Variants in GPC3 observed in about 807,000 individuals in gnomAD.
GPC3 encodes glypican 3.
A neutral mutation model predicts 34.4 loss-of-function variants in GPC3; 3 were observed. That is an observed-to-expected ratio of 0.09 (90% confidence interval 0.04 to 0.23). The LOEUF (loss-of-function observed/expected upper bound fraction) is 0.23. GPC3 is among the 10% of genes least tolerant of loss of function. The pLI, the probability that GPC3 is intolerant of heterozygous loss-of-function variation, is 1.00. For missense variants in GPC3, 351 were observed against 445.6 expected (o/e 0.79, Z 1.91); for synonymous variants, 177 against 174.0 (o/e 1.02, Z -0.13).
chrX:133,917,602 T>C (rs140930505), intron 2 of GPC3, among the ~76,000 whole-genome samples: 2,061 of 112,175 alleles, frequency 0.018, 27 homozygotes, highest in Non-Finnish European at 0.029. Context: ...TCCCCTACTG[T>C]ACTAATGAGC....
chrX:133,839,939 A>AAG (rs1556325669), intron 2 of GPC3, among the ~76,000 whole-genome samples: 1 of 108,815 alleles, frequency 9.2e-6, no homozygotes, highest in African/African-American at 3.4e-5. Flanking sequence ...AAAAAAAAAA[A>AAG]AAAAAAAGAC....
At chrX:133,916,077 G>A (rs374742307) in intron 2 of GPC3, among the ~76,000 whole-genome samples, 7 of 103,400 alleles carry the variant, frequency 6.8e-5, no homozygotes, top group South Asian at 4.5e-4. Context: ...CCTGGGAGGC[G>A]AAGGTTGCAG....
chrX:133,863,441 A>G lies in GPC3; in HGVS notation c.337+89609T>C, dbSNP rs187662129. 7.9e-4 allele frequency among the ~76,000 whole-genome samples: 88 copies of G among 111,038 alleles called. 1 individual carries two copies. Among genetic ancestry groups the G allele is most frequent in the African/African-American group, 2.7e-3 (81 of 30,414 alleles). On this transcript the variant is annotated intron_variant, in intron 2 of 7. Coordinates refer to ENST00000370818, the MANE Select transcript of GPC3 (RefSeq NM_004484.4). ...GTTTTGGTAGGCAGTAAATAAATGG[A>G]TGTAAACATCACCTATTCAGAGATA...
At chrX:133,566,443 G>A (rs2069583726) in intron 7 of GPC3, among the ~76,000 whole-genome samples, 1 of 111,024 alleles carries the variant, frequency 9.0e-6, no homozygotes, top group Admixed American at 9.6e-5. Flanking sequence ...GAGACATTAG[G>A]GCTTGTTTGG....
chrX:133,686,914 T>G (rs925766821), intron 5 of GPC3, among the ~76,000 whole-genome samples: 7 of 106,935 alleles, frequency 6.5e-5, no homozygotes, highest in Non-Finnish European at 1.1e-4. Context: ...GATTTTCTTT[T>G]TTTGTTTGTT....
At chrX:133,536,914 C>T (rs1036477379) in intron 7 of GPC3, among the ~76,000 whole-genome samples, 10 of 111,428 alleles carry the variant, frequency 9.0e-5, no homozygotes, top group Non-Finnish European at 1.9e-4. Context: ...CTTTTCATTT[C>T]CCCCTAAAAA....
chrX:133,546,531 G>C (rs900209715), intron 7 of GPC3, among the ~76,000 whole-genome samples: 5 of 111,629 alleles, frequency 4.5e-5, no homozygotes, highest in African/African-American at 1.6e-4. Context: ...AAGTAGATTA[G>C]TGATTGCCAG....
Position 133,626,217 on chromosome X carries a change from A to T in GPC3, c.1414-29618T>A, listed in dbSNP as rs1444214555. ...GACCTAAAATCATAAAAACCCTAGA[A>T]GAAAACCTAGGCAATACCATTCAGG... On this transcript the variant is annotated intron_variant, in intron 6 of 7. Coordinates refer to ENST00000370818, the MANE Select transcript of GPC3 (RefSeq NM_004484.4). 4.5e-5 allele frequency among the ~76,000 whole-genome samples: 5 copies of T among 112,275 alleles called. No homozygotes were observed. In the East Asian group the frequency reaches 1.1e-3, roughly 25 times the overall value.
chrX:133,797,575 T>C (rs1408506962), intron 2 of GPC3, among the ~76,000 whole-genome samples: 3 of 111,536 alleles, frequency 2.7e-5, no homozygotes. Context: ...CCACTGGTAA[T>C]ACCAGCAATT....
intron 2 of GPC3, among the ~76,000 whole-genome samples, chrX:133,799,521 C>T (rs2075598513): frequency 9.0e-6 from 1 of 111,312 alleles, no homozygotes; most frequent in African/African-American, 3.3e-5. Flanking sequence ...TCTACAAGGG[C>T]AGGGCTTGGA....
intron 3 of GPC3, among the ~76,000 whole-genome samples, chrX:133,739,694 C>A (rs4830272): frequency 9.2e-6 from 1 of 108,652 alleles, no homozygotes; most frequent in African/African-American, 3.4e-5. Flanking sequence ...AAAAAAAAAA[C>A]AAAAACAAAA....
intron 2 of GPC3, among the ~76,000 whole-genome samples, chrX:133,762,369 A>T (rs1986812725): frequency 8.9e-6 from 1 of 111,967 alleles, no homozygotes; most frequent in African/African-American, 3.2e-5. Flanking sequence ...GACAAGTGGG[A>T]CCTAATTAAA....
intron 2 of GPC3, among the ~76,000 whole-genome samples, chrX:133,814,382 G>A (rs2075679357): frequency 9.0e-6 from 1 of 110,918 alleles, no homozygotes; most frequent in African/African-American, 3.3e-5. Context: ...ATCTGCTGAT[G>A]TGGTTTCCGA....
chrX:133,658,985 G>A (rs2124398568), intron 6 of GPC3, among the ~76,000 whole-genome samples: 1 of 111,735 alleles, frequency 8.9e-6, no homozygotes, highest in South Asian at 3.8e-4. Context: ...GAAAGTACTG[G>A]AACTCCCTTT....
chrX:133,819,715 G>A (rs2075709787), intron 2 of GPC3, among the ~76,000 whole-genome samples: 1 of 111,527 alleles, frequency 9.0e-6, no homozygotes, highest in Admixed American at 9.5e-5. Context: ...ATAACCTTGG[G>A]CAAGTTACTT....
chrX:133,772,729 T>C (rs746585498), intron 2 of GPC3, among the ~76,000 whole-genome samples: 25 of 111,749 alleles, frequency 2.2e-4, no homozygotes, highest in Admixed American at 1.9e-4. Flanking sequence ...AATATCAGCA[T>C]AGCACATTCG....
At chrX:133,963,835 TTGC>T (rs2076451619) in intron 1 of GPC3, among the ~76,000 whole-genome samples, 1 of 112,163 alleles carries the variant, frequency 8.9e-6, no homozygotes, top group Non-Finnish European at 1.9e-5. Flanking sequence ...CAATAAATGG[TTGC>T]TGAATTAATG....
At chrX:133,938,595 A>G (rs1376039460) in intron 2 of GPC3, among the ~76,000 whole-genome samples, 1 of 111,951 alleles carries the variant, frequency 8.9e-6, no homozygotes, top group African/African-American at 3.2e-5. Context: ...CATAAATGGG[A>G]TGAAAGTAAA....
intron 3 of GPC3, among the ~76,000 whole-genome samples, chrX:133,706,325 T>C (rs1569417861): frequency 2.7e-5 from 3 of 111,922 alleles, no homozygotes; most frequent in Non-Finnish European, 3.8e-5. Context: ...TCAAAAGCAA[T>C]TGCAACAAAA....
Sources: gnomAD v4.1 joint callset for allele counts (sites outside exome capture counted in the v4.1 genomes callset) on GRCh38, gnomAD v4.1.1 for gene constraint, MANE v1.5 for transcripts, NCBI Gene and HGNC (gene_info 2026-07-23, HGNC 2026-07-21) for gene names.